The following DMD variants were observed in gnomAD, a reference collection of about 807,000 sequenced individuals.
DMD encodes the protein mutant dystrophin.
In DMD, 63 loss-of-function variants were observed where a neutral mutation model predicts 330.1. The observed-to-expected ratio is 0.19, with a 90% CI of 0.16 to 0.24. The LOEUF (loss-of-function observed/expected upper bound fraction) is 0.24. Ranked by LOEUF, DMD falls within the 10% of genes least tolerant of loss-of-function variation. The probability of loss-of-function intolerance (pLI) is 1.00; values close to 1 mark genes in which losing one functional copy is unlikely to be tolerated. For missense variants in DMD, 3,344 were observed against 2,684.1 expected (o/e 1.25, Z -5.43); for synonymous variants, 1,223 against 959.8 (o/e 1.27, Z -5.07).
At chrX:31,900,234 G>T (rs2094403330) in intron 47 of DMD, among the ~76,000 whole-genome samples, 1 of 110,796 alleles carries the variant, frequency 9.0e-6, no homozygotes, top group African/African-American at 3.3e-5. Context: ...CTTTTATTTT[G>T]CATCACTGAT....
chrX:31,212,166 ATGTGTG>A (rs1163798688), intron 64 of DMD, among the ~76,000 whole-genome samples: 3 of 85,130 alleles, frequency 3.5e-5, no homozygotes, highest in Non-Finnish European at 4.6e-5. Flanking sequence ...ATATATATAT[ATGTGTG>A]TGTGTATGTG....
chrX:33,183,809 A>C (rs1032445220), intron 1 of DMD, among the ~76,000 whole-genome samples: 1 of 111,604 alleles, frequency 9.0e-6, no homozygotes, highest in Non-Finnish European at 1.9e-5. Flanking sequence ...AAGGAAAAAA[A>C]AAAACCTCAG....
At position 32,614,391 on chromosome X, in the gene DMD, G is replaced by C; in HGVS notation, c.1394C>G (p.Thr465Arg). 1.7e-6 allele frequency: 2 copies of C among 1,206,886 alleles called. No homozygotes were observed. The highest frequency in any genetic ancestry group is 2.2e-6 in the Non-Finnish European group (2 of 892,249). The change falls in exon 12 of 79, where the codon ACA becomes AGA. Residue 465 changes from threonine (T) to arginine (R), a missense_variant. Physicochemically the swap from Thr to Arg is moderately conservative, Grantham distance 71. Coordinates refer to ENST00000357033, the MANE Select transcript of DMD (RefSeq NM_004006.3). ...TTTCCTTGTTCTTTCTTCTGTTTTT[G>C]TTAGCCAGTCATTCAACTCTTTCAG... ...QKLKELNDWL[T>R]KTEERTRKME...
intron 30 of DMD, among the ~76,000 whole-genome samples, chrX:32,390,938 T>G (rs2097997654): frequency 8.9e-6 from 1 of 112,118 alleles, no homozygotes; most frequent in African/African-American, 3.2e-5. Flanking sequence ...CTGATAGATA[T>G]TTGATGGCTT....
chrX:33,316,939 G>A (rs2053940618), intron 1 of DMD, among the ~76,000 whole-genome samples: 1 of 110,520 alleles, frequency 9.0e-6, no homozygotes, highest in Admixed American at 9.7e-5. Context: ...TATATATATT[G>A]TTAATATCTT....
At chrX:32,279,386 A>T in intron 43 of DMD, among the ~76,000 whole-genome samples, 1 of 111,842 alleles carries the variant, frequency 8.9e-6, no homozygotes, top group Middle Eastern at 4.7e-3. Context: ...CACTGTTCAT[A>T]ATAGCCAAGA....
intron 56 of DMD, among the ~76,000 whole-genome samples, chrX:31,503,299 G>C (rs746442224): frequency 8.9e-6 from 1 of 112,310 alleles, no homozygotes; most frequent in African/African-American, 3.2e-5. Context: ...TTGTACGATT[G>C]CAAGAGAACT....
chrX:32,093,501 T>G (rs1011005293), intron 44 of DMD, among the ~76,000 whole-genome samples: 2 of 112,222 alleles, frequency 1.8e-5, no homozygotes, highest in Non-Finnish European at 3.8e-5. Flanking sequence ...GGAAGATTAT[T>G]AAAATATGTT....
chrX:31,686,437 T>C (rs7061747), intron 52 of DMD, among the ~76,000 whole-genome samples: 6,004 of 112,236 alleles, frequency 0.053, 397 homozygotes, highest in African/African-American at 0.18. Context: ...CCTTCCTTAT[T>C]TTCCTCTTAT....
intron 2 of DMD, among the ~76,000 whole-genome samples, chrX:32,942,492 G>A (rs1434883551): frequency 6.3e-5 from 7 of 110,675 alleles, no homozygotes; most frequent in Non-Finnish European, 1.3e-4. Flanking sequence ...GCAGTGAGCC[G>A]AGATGGCACC....
At chrX:31,541,282 G>A (rs181391595) in intron 55 of DMD, among the ~76,000 whole-genome samples, 83 of 111,643 alleles carry the variant, frequency 7.4e-4, no homozygotes, top group African/African-American at 2.4e-3. Flanking sequence ...ACTTAGGAAT[G>A]TGAATCTTCT....
chrX:33,161,411 C>T (rs1356041333), intron 1 of DMD, among the ~76,000 whole-genome samples: 2 of 111,146 alleles, frequency 1.8e-5, no homozygotes, highest in African/African-American at 3.3e-5. Flanking sequence ...TGTATGAGTG[C>T]CTATTTCTTA....
chrX:31,241,046 G>A (rs1427778346), intron 63 of DMD, among the ~76,000 whole-genome samples: 1 of 110,045 alleles, frequency 9.1e-6, no homozygotes, highest in Admixed American at 9.8e-5. Context: ...AAGAGGAGAT[G>A]TATCTTGGAT....
chrX:31,351,159 T>TACACACAC (rs3061695), intron 60 of DMD, among the ~76,000 whole-genome samples: 27,440 of 104,591 alleles, frequency 0.26, 2,908 homozygotes, highest in East Asian at 0.49. Context: ...CATACATATA[T>TACACACAC]ACACACACAC....
chrX:32,105,755 A>T (rs757888882), intron 44 of DMD, among the ~76,000 whole-genome samples: 1 of 111,974 alleles, frequency 8.9e-6, no homozygotes, highest in Non-Finnish European at 1.9e-5. Flanking sequence ...ATAATCCAGC[A>T]TATAATAAAA....
chrX:31,804,925 T>C (rs2092238929), intron 50 of DMD, among the ~76,000 whole-genome samples: 1 of 109,719 alleles, frequency 9.1e-6, no homozygotes, highest in Non-Finnish European at 1.9e-5. Flanking sequence ...TCCTGATTCT[T>C]CCCTAGTATT....
intron 68 of DMD, among the ~76,000 whole-genome samples, chrX:31,181,137 T>C (rs922277615): frequency 1.8e-5 from 2 of 112,111 alleles, no homozygotes; most frequent in African/African-American, 6.5e-5. Flanking sequence ...GAAGAATTTA[T>C]AATCTGTAAA....
intron 44 of DMD, among the ~76,000 whole-genome samples, chrX:31,979,837 G>A (rs139528235): frequency 1.1e-3 from 123 of 112,167 alleles, no homozygotes; most frequent in African/African-American, 3.7e-3. Context: ...CAGTCTTCAA[G>A]TTATATGAAT....
intron 55 of DMD, among the ~76,000 whole-genome samples, chrX:31,622,877 TACAC>T (rs1169355719): frequency 2.3e-4 from 16 of 70,309 alleles, no homozygotes; most frequent in East Asian, 4.6e-4. Context: ...TATATATATA[TACAC>T]ACACACACAC....
Sources: allele counts gnomAD v4.1 joint callset (sites outside exome capture counted in the v4.1 genomes callset), GRCh38; gene constraint gnomAD v4.1.1; transcripts MANE v1.5; gene names NCBI Gene and HGNC (gene_info 2026-07-23, HGNC 2026-07-21).